ACAN: variants seen among roughly 807,000 people sequenced by gnomAD.
ACAN encodes aggrecan core protein.
In ACAN, 47 loss-of-function variants were observed where a neutral mutation model predicts 169.1. The ratio of observed to expected loss-of-function variants is 0.28; its 90% confidence interval spans 0.22 to 0.35. The LOEUF is 0.35. Ranked by LOEUF, ACAN falls within the 10% of genes least tolerant of loss-of-function variation. ACAN has a pLI of 1.00. For missense variants in ACAN, 2,716 were observed against 2,759.9 expected, an observed-to-expected ratio of 0.98 and a Z score of 0.36; for synonymous variants, 1,115 against 1,112.2, an observed-to-expected ratio of 1.00 and a Z score of -0.05.
intron 1 of ACAN, among the ~76,000 whole-genome samples, chr15:88,834,196 C>A (rs1896441530): frequency 6.6e-6 from 1 of 152,212 alleles, no homozygotes; most frequent in African/African-American, 2.4e-5. Context: ...TGGGATTTTC[C>A]AGACTTTCTC....
Position 88,807,884 on chromosome 15 carries a change from G to A in ACAN, c.-8+4075G>A, listed in dbSNP as rs932956446. ...ACAGTGTATCCTAAAGAAGCTTTTT[G>A]TTAAACTCATGAATAGGTGGATTTG... On this transcript the variant is annotated intron_variant, in intron 1 of 18. Coordinates refer to ENST00000560601, the MANE Select transcript of ACAN (RefSeq NM_001369268.1). The surrounding 1 kb of genome is among the most constrained non-coding windows in gnomAD (Gnocchi z 4.0). Among the ~76,000 whole-genome samples the A allele has an allele frequency of 6.6e-6, 1 of 151,914 alleles. No homozygotes were observed.
In ACAN at chr15:88,873,927, G is replaced by A. The variant is rs759370137; in HGVS notation, c.7533G>A (p.Arg2511=). The change falls in exon 18 of 19, where the codon CGG becomes CGA. Residue 2511 remains arginine (R), a synonymous_variant. Transcript: ENST00000560601. This position sits in a 1 kb window ranked among gnomAD's most constrained non-coding sequence, Gnocchi z 7.5. ...GGTATGAGATCAATTCCCTGGTGCG[G>A]TACCAGTGCACAGAGGGGTTTGTCC... is the stretch of plus-strand genomic sequence containing the variant. The part of the protein sequence containing the change: ...KDRYEINSLV[R]YQCTEGFVQR... 4.3e-6 allele frequency: 7 copies of A among 1,613,762 alleles called. No homozygotes were observed. Among genetic ancestry groups the A allele is most frequent in the Non-Finnish European group, 5.9e-6 (7 of 1,179,898 alleles).
chr15:88,873,027 T>C lies in ACAN; in HGVS notation c.7447+2T>C. On this transcript the variant is annotated splice_donor_variant, in intron 17 of 18. Coordinates refer to ENST00000560601, the MANE Select transcript of ACAN (RefSeq NM_001369268.1). LOFTEE classifies it high-confidence loss of function. The surrounding 1 kb of genome is among the most constrained non-coding windows in gnomAD (Gnocchi z 7.5). ...CCTTCACGTGTAAAAAGGGCACAGG[T>C]AAGCTGGCGCCTGGGAGGGGTCAGG... 1 of 1,612,068 alleles carries C rather than the reference T, an allele frequency of 6.2e-7. No homozygotes were observed. Among genetic ancestry groups the C allele is most frequent in the Non-Finnish European group, 8.5e-7 (1 of 1,179,122 alleles).
rs1309545735 is a variant in ACAN at position 88,870,294 on chromosome 15, G to A, written c.7061-1088G>A. The stretch of plus-strand genomic sequence containing the variant: ...CATTCCAGGACAGCCAGAGTATGGT[G>A]GCACCCAATCAGGGAGACCACCATG... On this transcript the variant is annotated intron_variant, in intron 14 of 18. Coordinates refer to ENST00000560601, the MANE Select transcript of ACAN (RefSeq NM_001369268.1). The surrounding 1 kb of genome is among the most constrained non-coding windows in gnomAD (Gnocchi z 6.3). 6.6e-6 allele frequency among the ~76,000 whole-genome samples: 1 copy of A among 152,112 alleles called. No homozygotes were observed. Among genetic ancestry groups the A allele is most frequent in the Non-Finnish European group, 1.5e-5 (1 of 68,022 alleles).
intron 11 of ACAN, among the ~76,000 whole-genome samples, chr15:88,854,363 G>T (rs1450067613): frequency 2.6e-5 from 4 of 152,200 alleles, no homozygotes; most frequent in Non-Finnish European, 5.9e-5. Flanking sequence ...CTAGGAATTT[G>T]CTTTTCTATT....
In ACAN at chr15:88,875,314, G is replaced by A. The variant is rs1285112369; in HGVS notation, c.*833G>A. The stretch of plus-strand genomic sequence containing the variant: ...CCTATTTATATTTTTGAAAACTGAA[G>A]ATTATAATATTATAATAATAATAAA... On this transcript the variant is annotated 3_prime_UTR_variant, in exon 19 of 19. Transcript: ENST00000560601. The surrounding 1 kb of genome is among the most constrained non-coding windows in gnomAD (Gnocchi z 4.8). The A allele has an allele frequency of 6.8e-6, 1 of 147,148 alleles. No individual in the cohort carries two copies. The highest frequency in any genetic ancestry group is 2.5e-5 in the African/African-American group (1 of 39,740). 9.1% of individuals were successfully genotyped at this position (147,148 alleles called of 1,614,324 possible).
At chr15:88,852,855 G>A (rs938672641) in intron 11 of ACAN, among the ~76,000 whole-genome samples, 2 of 152,222 alleles carry the variant, frequency 1.3e-5, no homozygotes, top group East Asian at 1.9e-4. Context: ...ATACCTGGTA[G>A]AGTCAGTTTC....
chr15:88,818,722 T>C (rs868633822), intron 1 of ACAN, among the ~76,000 whole-genome samples: 1 of 152,136 alleles, frequency 6.6e-6, no homozygotes, highest in Non-Finnish European at 1.5e-5. Context: ...TCCTCCAAGA[T>C]TTTCAAGGGG....
Position 88,855,057 on chromosome 15 carries a change from C to G in ACAN, c.2472C>G (p.Phe824Leu), listed in dbSNP as rs913164178. ...SVELFPSEEPFPSKEPSPSEE... is the reference protein window; with the variant it reads ...SVELFPSEEPLPSKEPSPSEE... The stretch of plus-strand genomic sequence containing the variant: ...AGCTGTTCCCCTCAGAGGAGCCATT[C>G]CCCTCCAAGGAGCCATCCCCCTCAG... Residue 824 changes from phenylalanine (F) to leucine (L), a missense_variant, in exon 12 of 19, where the codon TTC becomes TTG. Transcript: ENST00000560601. The G allele has an allele frequency of 1.3e-6, 2 of 1,588,338 alleles. No homozygotes were observed. Among genetic ancestry groups the G allele is most frequent in the Non-Finnish European group, 1.7e-6 (2 of 1,168,872 alleles).
rs548758156 is a variant in ACAN, at chr15:88,843,760, G to A, written c.1051+112G>A. The A allele has an allele frequency of 4.4e-6, 6 of 1,351,176 alleles. No homozygotes were observed. In the African/African-American group the frequency reaches 5.8e-5, roughly 13 times the overall value. 83.7% of individuals were successfully genotyped at this position (1,351,176 alleles called of 1,614,324 possible). ...GGTTTTTGCCCTTGAAGGGGCCACG[G>A]GGTACCTGAACCCCATGTTTTTAGG... is the stretch of plus-strand genomic sequence containing the variant. On this transcript the variant is annotated intron_variant, in intron 6 of 18. Transcript: ENST00000560601. The surrounding 1 kb of genome is among the most constrained non-coding windows in gnomAD (Gnocchi z 4.0).
At chr15:88,816,492 G>T (rs1895945541) in intron 1 of ACAN, among the ~76,000 whole-genome samples, 1 of 152,154 alleles carries the variant, frequency 6.6e-6, no homozygotes, top group Admixed American at 6.5e-5. Flanking sequence ...CTGAAATCTG[G>T]TGTGCACATA....
At chr15:88,824,330 AC>A (rs67696635) in intron 1 of ACAN, among the ~76,000 whole-genome samples, 32,583 of 149,570 alleles carry the variant, frequency 0.22, 4,654 homozygotes, top group African/African-American at 0.41. Context: ...AAAAAAAAAA[AC>A]AACAACAACA....
intron 6 of ACAN, among the ~76,000 whole-genome samples, chr15:88,844,529 C>G (rs1896748837): frequency 1.3e-5 from 2 of 152,080 alleles, no homozygotes; most frequent in Non-Finnish European, 2.9e-5. Context: ...TGTGCACCAT[C>G]ATGCCCAGCT....
chr15:88,821,808 C>A (rs1359058252), intron 1 of ACAN, among the ~76,000 whole-genome samples: 1 of 152,108 alleles, frequency 6.6e-6, no homozygotes, highest in Middle Eastern at 3.2e-3. Flanking sequence ...TCCAAGTCCA[C>A]CCTCTGGTTC....
intron 1 of ACAN, among the ~76,000 whole-genome samples, chr15:88,818,865 C>T (rs977569648): frequency 5.9e-5 from 9 of 152,062 alleles, no homozygotes; most frequent in South Asian, 2.1e-4. Flanking sequence ...TGTGAATACG[C>T]GATGCCACTG....
rs376179210 is a variant in ACAN, at chr15:88,855,383, C to T, written c.2798C>T (p.Thr933Met). ...EERIEWPSTP[T>M]VGELPSGAEI... ...AGAATTGAGTGGCCCAGCACTCCTA[C>T]GGTTGGTGAACTGCCCTCTGGAGCT... The change falls in exon 12 of 19, where the codon ACG becomes ATG. Residue 933 changes from threonine (T) to methionine (M), a missense_variant. Physicochemically the swap from Thr to Met is moderately conservative, Grantham distance 81. This residue lies in a region of ACAN where 1,283 missense variants were observed against 1,281.5 expected (regional missense o/e 1.00). Transcript: ENST00000560601. The T allele has an allele frequency of 3.6e-5, 58 of 1,613,164 alleles. No individual in the cohort carries two copies. Among genetic ancestry groups the T allele is most frequent in the East Asian group, 4.5e-5 (2 of 44,874 alleles).
At position 88,871,972 on chromosome 15, in the gene ACAN, G is replaced by A. The variant is rs1897390033; in HGVS notation, c.7220-31G>A. The A allele has an allele frequency of 1.9e-6, 3 of 1,584,898 alleles. No homozygotes were observed. In the East Asian group the frequency reaches 6.7e-5, roughly 35 times the overall value. On this transcript the variant is annotated intron_variant, in intron 15 of 18. Coordinates refer to ENST00000560601, the MANE Select transcript of ACAN (RefSeq NM_001369268.1). The surrounding 1 kb of genome is among the most constrained non-coding windows in gnomAD (Gnocchi z 7.8). The stretch of plus-strand genomic sequence containing the variant: ...CTCAGACACCCTCAGGGTGTCCAGT[G>A]TGATGCCTGACACCCTCACCCTTTC...
Position 88,866,008 on chromosome 15 carries a change from GA to G in ACAN, c.6947-2198del, listed in dbSNP as rs777068785. 1.3e-4 allele frequency among the ~76,000 whole-genome samples: 19 copies of G among 150,490 alleles called. No homozygotes were observed. Among genetic ancestry groups the G allele is most frequent in the South Asian group, 4.2e-4 (2 of 4,738 alleles). On this transcript the variant is annotated intron_variant, in intron 13 of 18. Transcript: ENST00000560601. The surrounding 1 kb of genome is among the most constrained non-coding windows in gnomAD (Gnocchi z 5.6). ...TCCTCATCTGTAAATCCAGGGCCGT[GA>G]AAAAAAAAATTCTGAGCCCCGGAAT...
In ACAN at chr15:88,857,098, G is replaced by T; in HGVS notation, c.4513G>T (p.Asp1505Tyr). 2 of 1,607,008 alleles carry T rather than the reference G, an allele frequency of 1.2e-6. No homozygotes were observed. Among genetic ancestry groups the T allele is most frequent in the Non-Finnish European group, 1.7e-6 (2 of 1,175,462 alleles). ...AGAGACTTCTGCCTCTGGAATAGAG[G>T]ATGTCAGTGAACTTCCTTCAGGAGA... ...VVETSASGIEDVSELPSGEGL... is the reference protein window; with the variant it reads ...VVETSASGIEYVSELPSGEGL... Residue 1505 changes from aspartate (D) to tyrosine (Y), a missense_variant, in exon 12 of 19, where the codon GAT (aspartate) becomes TAT (tyrosine). Asp to Tyr is a radical substitution (Grantham distance 160). Around this residue, in one of 3 missense-constraint regions of ACAN, gnomAD observed 1,389 missense variants for 1,363.7 expected, o/e 1.02. Coordinates refer to ENST00000560601, the MANE Select transcript of ACAN (RefSeq NM_001369268.1).
Sources: gnomAD v4.1 joint callset for allele counts (sites outside exome capture counted in the v4.1 genomes callset) on GRCh38, gnomAD v4.1.1 for gene constraint, gnomAD v4.1.1 regional missense constraint, Gnocchi (gnomAD v3.1) non-coding constraint, MANE v1.5 for transcripts, NCBI Gene and HGNC (gene_info 2026-07-23, HGNC 2026-07-21) for gene names.